Variants in DSE observed in about 807,000 individuals in gnomAD.
DSE encodes dermatan sulfate epimerase, also known as dermatan-sulfate epimerase.
In DSE, 36 loss-of-function variants were observed where a neutral mutation model predicts 84.4. The ratio of observed to expected loss-of-function variants is 0.43; its 90% CI spans 0.33 to 0.56. The LOEUF (loss-of-function observed/expected upper bound fraction) is 0.56, where lower values mean the gene tolerates loss of function less well. Among genes scored for constraint, DSE ranks in the 20% least tolerant of loss-of-function variants. The pLI is 0.06. For synonymous variants in DSE, 410 were observed against 430.1 expected, an observed-to-expected ratio of 0.95 and a Z score of 0.58; for missense variants, 862 against 1,169.6, an observed-to-expected ratio of 0.74 and a Z score of 3.84.
intron 1 of DSE, among the ~76,000 whole-genome samples, chr6:116,257,658 G>GT (rs1265578964): frequency 6.6e-6 from 1 of 151,960 alleles, no homozygotes; most frequent in Non-Finnish European, 1.5e-5. Context: ...GTAGTTTGTT[G>GT]TTTTTTTGTG....
intron 2 of DSE, among the ~76,000 whole-genome samples, chr6:116,304,129 A>AAT (rs1034478525): frequency 6.6e-6 from 1 of 151,986 alleles, no homozygotes; most frequent in African/African-American, 2.4e-5. Flanking sequence ...TCTCAAAAAA[A>AAT]AAAAAAAAGA....
chr6:116,272,221 G>C (rs938910886), intron 2 of DSE, among the ~76,000 whole-genome samples: 1 of 152,080 alleles, frequency 6.6e-6, no homozygotes, highest in Non-Finnish European at 1.5e-5. Context: ...GTGAACATTT[G>C]GGCTGTTTCT....
intron 2 of DSE, among the ~76,000 whole-genome samples, chr6:116,323,971 G>C (rs1262599695): frequency 6.6e-6 from 1 of 151,822 alleles, no homozygotes; most frequent in Non-Finnish European, 1.5e-5. Context: ...GGGCCCCCTA[G>C]TCAAACCTGC....
chr6:116,327,271 G>T (rs1056151617), intron 2 of DSE, among the ~76,000 whole-genome samples: 2 of 152,186 alleles, frequency 1.3e-5, no homozygotes, highest in Admixed American at 6.5e-5. Flanking sequence ...GTACAGAAAA[G>T]AAGTGAGCCA....
At chr6:116,384,549 A>G (rs1178149868) in intron 1 of DSE, among the ~76,000 whole-genome samples, 1 of 152,198 alleles carries the variant, frequency 6.6e-6, no homozygotes, top group Non-Finnish European at 1.5e-5. Context: ...AAACTCTGTG[A>G]TAATCACTCA....
intron 2 of DSE, among the ~76,000 whole-genome samples, chr6:116,264,300 T>A (rs924743167): frequency 3.9e-5 from 6 of 152,130 alleles, no homozygotes; most frequent in Non-Finnish European, 8.8e-5. Flanking sequence ...CTTTTCATTC[T>A]TTTTTCTCTA....
At chr6:116,295,882 T>C (rs1774633693) in intron 2 of DSE, among the ~76,000 whole-genome samples, 1 of 152,238 alleles carries the variant, frequency 6.6e-6, no homozygotes, top group African/African-American at 2.4e-5. Flanking sequence ...CAGTTTTGCC[T>C]TTGCTTAGCA....
intron 2 of DSE, among the ~76,000 whole-genome samples, chr6:116,409,538 C>T (rs1023961755): frequency 6.6e-6 from 1 of 152,178 alleles, no homozygotes; most frequent in African/African-American, 2.4e-5. Context: ...CTTGGCCTCC[C>T]AAAGTGCTGG....
chr6:116,266,433 G>T (rs1772633313), intron 2 of DSE, among the ~76,000 whole-genome samples: 1 of 152,154 alleles, frequency 6.6e-6, no homozygotes, highest in Admixed American at 6.5e-5. Context: ...ATGAGTACTG[G>T]AGGCTTAGGG....
rs1583235144 is a variant in DSE at position 116,435,446 on chromosome 6, T to C, written c.1119-141T>C. The C allele has an allele frequency of 5.1e-6, 4 of 785,694 alleles. No individual in the cohort carries two copies. In the East Asian group the frequency reaches 1.1e-4, roughly 22 times the overall value. The allele number at this position is 785,694 out of a possible 1,614,324, so 48.7% of individuals were successfully genotyped here. A position where few individuals can be genotyped will look rare whatever the true frequency, so the allele number is the denominator to read the frequency against. On this transcript the variant is annotated intron_variant, in intron 5 of 5. Transcript: ENST00000644252. ...TTTGTGCATACTGGTTGTCCTTGGA[T>C]ATTTTTAGAATTGTCCCTAATATAC... is the stretch of plus-strand genomic sequence containing the variant.
chr6:116,376,369 G>A (rs751364142), intron 1 of DSE, among the ~76,000 whole-genome samples: 3 of 152,210 alleles, frequency 2.0e-5, no homozygotes, highest in Non-Finnish European at 2.9e-5. Flanking sequence ...CCTGTTGAGG[G>A]TGTGGATTCC....
chr6:116,407,766 A>C (rs1782029009), intron 2 of DSE, among the ~76,000 whole-genome samples: 1 of 152,236 alleles, frequency 6.6e-6, no homozygotes, highest in African/African-American at 2.4e-5. Flanking sequence ...ACCTTTGATA[A>C]ATAAAAAAGA....
chr6:116,290,468 A>C (rs1389605348), intron 2 of DSE, among the ~76,000 whole-genome samples: 1 of 152,148 alleles, frequency 6.6e-6, no homozygotes, highest in Non-Finnish European at 1.5e-5. Flanking sequence ...TTTTAAAAGT[A>C]ATATCTCCTG....
chr6:116,388,507 G>T (rs180990233), intron 1 of DSE, among the ~76,000 whole-genome samples: 1 of 152,240 alleles, frequency 6.6e-6, no homozygotes, highest in African/African-American at 2.4e-5. Context: ...AAGAAAAGAA[G>T]TCACATATGT....
At chr6:116,393,431 A>G (rs74398488) in intron 1 of DSE, among the ~76,000 whole-genome samples, 8,504 of 152,308 alleles carry the variant, frequency 0.056, 328 homozygotes, top group Non-Finnish European at 0.087. Flanking sequence ...CCTGTAAAGT[A>G]TGAAGATTTA....
intron 2 of DSE, among the ~76,000 whole-genome samples, chr6:116,351,852 C>G (rs904718312): frequency 6.6e-6 from 1 of 152,174 alleles, no homozygotes; most frequent in Non-Finnish European, 1.5e-5. Flanking sequence ...CCCTGGTGAA[C>G]TATGAATAGT....
At chr6:116,372,238 G>A (rs1779637226) in intron 1 of DSE, among the ~76,000 whole-genome samples, 1 of 152,210 alleles carries the variant, frequency 6.6e-6, no homozygotes, top group Non-Finnish European at 1.5e-5. Flanking sequence ...GGAGGCCGAG[G>A]CAGGCGGATC....
chr6:116,347,774 A>G lies in DSE; in HGVS notation c.-53-51424A>G, dbSNP rs1583063035. 2.0e-5 allele frequency among the ~76,000 whole-genome samples: 3 copies of G among 152,242 alleles called. No individual in the cohort carries two copies. The East Asian group carries it at 5.8e-4, about 29-fold the overall frequency. On this transcript the variant is annotated intron_variant, in intron 2 of 3. Transcript: ENST00000430252. ...CTAAAACATCAAAAGCAATGGCAAC[A>G]AAAGCCAAAATTGACAAATGGAATC...
At chr6:116,319,054 C>G (rs1776151190) in intron 2 of DSE, among the ~76,000 whole-genome samples, 1 of 152,308 alleles carries the variant, frequency 6.6e-6, no homozygotes, top group South Asian at 2.1e-4. Flanking sequence ...TCTCTAAACT[C>G]TCTTCAGTTC....
Sources: gnomAD v4.1 joint callset for allele counts (sites outside exome capture counted in the v4.1 genomes callset) on GRCh38, gnomAD v4.1.1 for gene constraint, MANE v1.5 for transcripts, NCBI Gene and HGNC (gene_info 2026-07-23, HGNC 2026-07-21) for gene names.